Variants in ATP8A2 observed in about 807,000 individuals in gnomAD.
The protein encoded by ATP8A2 is ATPase phospholipid transporting 8A2.
Under a neutral mutation model 165.6 loss-of-function variants are expected in ATP8A2, and 100 were observed. The ratio of observed to expected loss-of-function variants is 0.60; its 90% CI spans 0.51 to 0.71. ATP8A2 has a LOEUF of 0.71. Ranked by LOEUF, ATP8A2 falls within the 30% of genes least tolerant of loss-of-function variation. The pLI, the probability that ATP8A2 is intolerant of heterozygous loss-of-function variation, is 0.00. For missense variants in ATP8A2, 1,227 were observed against 1,479.5 expected, an observed-to-expected ratio of 0.83 and a Z score of 2.80; for synonymous variants, 543 against 548.8, an observed-to-expected ratio of 0.99 and a Z score of 0.15.
intron 1 of ATP8A2, among the ~76,000 whole-genome samples, chr13:25,392,714 C>A (rs954853367): frequency 1.3e-5 from 2 of 151,966 alleles, no homozygotes; most frequent in Non-Finnish European, 2.9e-5. Flanking sequence ...GAGCAGTGAC[C>A]CCATTTCTCT....
rs550468100 is a variant in ATP8A2 at position 25,491,523 on chromosome 13, C to T, written c.221+22402C>T. 9.9e-5 allele frequency among the ~76,000 whole-genome samples: 15 copies of T among 152,174 alleles called. No homozygotes were observed. The East Asian group carries it at 1.3e-3, about 14-fold the overall frequency. On this transcript the variant is annotated intron_variant, in intron 2 of 36. Transcript: ENST00000381655. The stretch of plus-strand genomic sequence containing the variant: ...GATTGCAAGTGTGAGTCACCATGCC[C>T]GACGCCTGAGTTTACATAGTAGCTA...
At chr13:25,694,057 G>T (rs1030327962) in intron 24 of ATP8A2, among the ~76,000 whole-genome samples, 2 of 152,132 alleles carry the variant, frequency 1.3e-5, no homozygotes, top group African/African-American at 4.8e-5. Context: ...TGTATTTTTA[G>T]TAGAGACTGG....
chr13:25,426,713 C>T (rs751098397), intron 1 of ATP8A2, among the ~76,000 whole-genome samples: 16 of 152,030 alleles, frequency 1.1e-4, no homozygotes, highest in African/African-American at 2.2e-4. Context: ...GAGGCTGACA[C>T]GGGTGGATCA....
At chr13:25,942,583 C>G (rs1030524534) in intron 33 of ATP8A2, among the ~76,000 whole-genome samples, 2 of 152,190 alleles carry the variant, frequency 1.3e-5, no homozygotes, top group African/African-American at 4.8e-5. Context: ...CCACCACACC[C>G]AGCTAATTTT....
intron 30 of ATP8A2, among the ~76,000 whole-genome samples, chr13:25,851,367 A>C (rs1170376877): frequency 6.6e-6 from 1 of 152,174 alleles, no homozygotes; most frequent in African/African-American, 2.4e-5. Flanking sequence ...AGATCACCTG[A>C]GGTCAAGACT....
chr13:25,777,267 A>G (rs1167443950), intron 27 of ATP8A2, among the ~76,000 whole-genome samples: 1 of 152,192 alleles, frequency 6.6e-6, no homozygotes, highest in Admixed American at 6.5e-5. Context: ...GACCGAGCCT[A>G]TATGGTTAGA....
At chr13:25,396,385 A>G (rs2033425719) in intron 1 of ATP8A2, among the ~76,000 whole-genome samples, 1 of 152,104 alleles carries the variant, frequency 6.6e-6, no homozygotes, top group Admixed American at 6.6e-5. Flanking sequence ...CTTGGGGAAA[A>G]GGGGTTCTAG....
chr13:25,399,571 T>TG (rs2033557666), intron 1 of ATP8A2, among the ~76,000 whole-genome samples: 1 of 95,360 alleles, frequency 1.0e-5, no homozygotes, highest in African/African-American at 3.6e-5. Context: ...GCTAATTTTT[T>TG]TTTTGTATTT....
At chr13:25,940,184 C>G (rs532895761) in intron 33 of ATP8A2, among the ~76,000 whole-genome samples, 1 of 152,078 alleles carries the variant, frequency 6.6e-6, no homozygotes, top group Admixed American at 6.5e-5. Context: ...CTCTTCATGC[C>G]GAACTTGACT....
chr13:25,863,348 TC>T (rs1835031529), intron 33 of ATP8A2: 1 of 152,752 alleles, frequency 6.5e-6, no homozygotes, highest in Admixed American at 6.5e-5. Context: ...GCCAAAAGCC[TC>T]CTGCCCAGGC....
At chr13:26,014,901 G>T (rs1277147804) in intron 36 of ATP8A2, among the ~76,000 whole-genome samples, 3 of 152,098 alleles carry the variant, frequency 2.0e-5, no homozygotes, top group Non-Finnish European at 4.4e-5. Flanking sequence ...CATGTGTAAA[G>T]CACCTTCTGT....
At chr13:25,657,124 G>A (rs1374185733) in intron 24 of ATP8A2, among the ~76,000 whole-genome samples, 2 of 151,388 alleles carry the variant, frequency 1.3e-5, no homozygotes, top group Non-Finnish European at 2.9e-5. Flanking sequence ...ATATTGTCCA[G>A]GGGAGTTGGG....
chr13:25,697,403 C>A (rs1462141447), intron 24 of ATP8A2, among the ~76,000 whole-genome samples: 1 of 152,166 alleles, frequency 6.6e-6, no homozygotes, highest in Non-Finnish European at 1.5e-5. Context: ...CCTCAGACTC[C>A]TGAGTAGCTG....
chr13:25,999,279 G>A (rs190345921), intron 35 of ATP8A2, among the ~76,000 whole-genome samples: 1 of 152,230 alleles, frequency 6.6e-6, no homozygotes, highest in African/African-American at 2.4e-5. Flanking sequence ...GGGATCACTA[G>A]GCACAGTGCT....
Position 25,742,674 on chromosome 13 carries a change from TCTCTGTC to T in ATP8A2, c.2385-26371_2385-26365del, listed in dbSNP as rs1216305722. On this transcript the variant is annotated intron_variant, in intron 25 of 36. Transcript: ENST00000381655. ...CCACTTTTCTCTCTCTCTCTCTCTC[TCTCTGTC>T]TTTTTTTTTTTTTTTTATGGTAAAT... Among the ~76,000 whole-genome samples the T allele has an allele frequency of 8.0e-4, 102 of 127,794 alleles. 1 individual carries two copies. Among genetic ancestry groups the T allele is most frequent in the African/African-American group, 2.3e-3 (78 of 33,762 alleles). 83.8% of individuals were successfully genotyped at this position (127,794 alleles called of 152,430 possible). A position where few individuals can be genotyped will look rare whatever the true frequency, so the allele number is the denominator to read the frequency against.
intron 24 of ATP8A2, among the ~76,000 whole-genome samples, chr13:25,672,061 G>A (rs1240206769): frequency 6.6e-6 from 1 of 152,180 alleles, no homozygotes; most frequent in African/African-American, 2.4e-5. Flanking sequence ...GAATATCGGG[G>A]CAGGTTCCCC....
intron 33 of ATP8A2, among the ~76,000 whole-genome samples, chr13:25,921,675 G>C (rs184914992): frequency 6.6e-6 from 1 of 151,610 alleles, no homozygotes; most frequent in Non-Finnish European, 1.5e-5. Context: ...TTTGTTCTAC[G>C]TGTAATTTAT....
Position 25,489,529 on chromosome 13 carries a change from CCT to C in ATP8A2, c.221+20409_221+20410del, listed in dbSNP as rs1326027601. 4.6e-5 allele frequency among the ~76,000 whole-genome samples: 7 copies of C among 152,316 alleles called. No homozygotes were observed. In the East Asian group the frequency reaches 1.4e-3, roughly 29 times the overall value. ...TCTATTTTTATCCATCTCTGACTCTCCTGCTCTGCTGTGTCATCCTTGATGAC... is the reference window on the plus strand; with the variant it reads ...TCTATTTTTATCCATCTCTGACTCTCGCTCTGCTGTGTCATCCTTGATGAC... On this transcript the variant is annotated intron_variant, in intron 2 of 36. Coordinates refer to ENST00000381655, the MANE Select transcript of ATP8A2 (RefSeq NM_016529.6).
intron 36 of ATP8A2, among the ~76,000 whole-genome samples, chr13:26,014,834 A>G (rs1344410322): frequency 6.6e-6 from 1 of 152,080 alleles, no homozygotes; most frequent in East Asian, 1.9e-4. Flanking sequence ...TCTCCTGTGG[A>G]GAAAAAAGAA....
Sources: gnomAD v4.1 joint callset for allele counts (sites outside exome capture counted in the v4.1 genomes callset) on GRCh38, gnomAD v4.1.1 for gene constraint, MANE v1.5 for transcripts, NCBI Gene and HGNC (gene_info 2026-07-23, HGNC 2026-07-21) for gene names.